Variants in TPRG1 observed in about 807,000 individuals in gnomAD.
TPRG1 encodes tumor protein p63 regulated 1.
Under a neutral mutation model 29.3 loss-of-function variants are expected in TPRG1, and 29 were observed. The observed-to-expected ratio is 0.99, with a 90% confidence interval of 0.74 to 1.35. The LOEUF is 1.35. Ranked by LOEUF, TPRG1 falls within the 40% of genes most tolerant of loss-of-function variation. The probability of loss-of-function intolerance (pLI) is 0.00; values close to 1 mark genes in which losing one functional copy is unlikely to be tolerated. For missense variants in TPRG1, 327 were observed against 335.0 expected, an observed-to-expected ratio of 0.98 and a Z score of 0.19; for synonymous variants, 130 against 116.8, an observed-to-expected ratio of 1.11 and a Z score of -0.73.
intron 4 of TPRG1, among the ~76,000 whole-genome samples, chr3:189,264,652 G>C (rs778214713): frequency 6.6e-6 from 1 of 152,084 alleles, no homozygotes; most frequent in South Asian, 2.1e-4. Flanking sequence ...TTCCAATGAA[G>C]TGTTCATTTC....
At chr3:189,126,226 A>C (rs1038447620) in intron 1 of TPRG1, among the ~76,000 whole-genome samples, 5 of 152,150 alleles carry the variant, frequency 3.3e-5, no homozygotes, top group African/African-American at 1.2e-4. Flanking sequence ...AAATAAGTCA[A>C]TTTGACTCAG....
At chr3:189,067,032 C>G (rs1422778767) in intron 4 of TPRG1, among the ~76,000 whole-genome samples, 1 of 151,814 alleles carries the variant, frequency 6.6e-6, no homozygotes, top group Non-Finnish European at 1.5e-5. Context: ...CAAGAGTGAG[C>G]AATCTGAAAA....
intron 3 of TPRG1, among the ~76,000 whole-genome samples, chr3:189,135,013 A>G (rs1454449695): frequency 6.6e-6 from 1 of 152,198 alleles, no homozygotes; most frequent in African/African-American, 2.4e-5. Flanking sequence ...GAAAAGTTTT[A>G]CTGGTTAAAT....
At chr3:189,053,245 T>G (rs1223037691) in intron 4 of TPRG1, among the ~76,000 whole-genome samples, 1 of 152,166 alleles carries the variant, frequency 6.6e-6, no homozygotes, top group Non-Finnish European at 1.5e-5. Flanking sequence ...TATACTAGCT[T>G]CCAACTTTTC....
chr3:189,097,837 G>A (rs1718785193), upstream of TPRG1, among the ~76,000 whole-genome samples: 1 of 152,246 alleles, frequency 6.6e-6, no homozygotes, highest in South Asian at 2.1e-4. Flanking sequence ...TTCTCTGAAA[G>A]GATCTCAGAA....
chr3:189,227,156 A>C (rs1049004420), intron 3 of TPRG1, among the ~76,000 whole-genome samples: 6 of 151,942 alleles, frequency 3.9e-5, no homozygotes, highest in Non-Finnish European at 8.8e-5. Context: ...TCACAAAAAA[A>C]AAAGAAAAAA....
At chr3:189,277,427 G>GA (rs1238191653) in intron 4 of TPRG1, among the ~76,000 whole-genome samples, 2 of 152,126 alleles carry the variant, frequency 1.3e-5, no homozygotes, top group Non-Finnish European at 2.9e-5. Context: ...TAGTTTGGTG[G>GA]AAAAAATGCA....
chr3:189,261,975 A>AT (rs1667089333), intron 4 of TPRG1, among the ~76,000 whole-genome samples: 1 of 152,144 alleles, frequency 6.6e-6, no homozygotes, highest in African/African-American at 2.4e-5. Context: ...TTTCAGTCAT[A>AT]TTAGGATATG....
At chr3:189,185,737 A>T (rs769155541) in intron 1 of TPRG1, among the ~76,000 whole-genome samples, 2 of 152,188 alleles carry the variant, frequency 1.3e-5, no homozygotes, top group Non-Finnish European at 2.9e-5. Flanking sequence ...GAATTATTCT[A>T]CATCTTTTAA....
At chr3:189,185,822 G>A (rs1046579488) in intron 1 of TPRG1, among the ~76,000 whole-genome samples, 1 of 151,740 alleles carries the variant, frequency 6.6e-6, no homozygotes, top group African/African-American at 2.4e-5. Flanking sequence ...TTGCTTATTT[G>A]TATATTTTTC....
At chr3:189,170,488 C>T (rs933435651), upstream of TPRG1, among the ~76,000 whole-genome samples, 4 of 152,234 alleles carry the variant, frequency 2.6e-5, no homozygotes, top group African/African-American at 9.6e-5. Context: ...GCTCCCTCCT[C>T]TGGATTACCA....
At chr3:189,121,211 G>A (rs912753470) in intron 1 of TPRG1, 6 of 152,150 alleles carry the variant, frequency 3.9e-5, no homozygotes, top group African/African-American at 1.4e-4. Context: ...TTTAGGTAGA[G>A]TAAATAATCT....
intron 4 of TPRG1, among the ~76,000 whole-genome samples, chr3:189,250,996 G>T (rs1454167700): frequency 6.6e-6 from 1 of 152,044 alleles, no homozygotes; most frequent in East Asian, 1.9e-4. Flanking sequence ...TCTCTGTCCA[G>T]TGTTTTTTTC....
chr3:189,244,793 T>A (rs972777986), intron 4 of TPRG1, among the ~76,000 whole-genome samples: 5 of 152,080 alleles, frequency 3.3e-5, no homozygotes, highest in African/African-American at 1.2e-4. Context: ...GTGATCTGTG[T>A]CTTCCCTCTT....
rs535829273 is a variant in TPRG1 at position 189,184,591 on chromosome 3, T to C, written c.-10+12460T>C. On this transcript the variant is annotated intron_variant, in intron 1 of 5. Coordinates refer to ENST00000345063, the MANE Select transcript of TPRG1 (RefSeq NM_198485.4). ...CTACAACATAATAAGAAAAATTAAA[T>C]GAGGCCAAATAATTATTAAGATCAA... is the stretch of plus-strand genomic sequence containing the variant. Among the ~76,000 whole-genome samples the C allele has an allele frequency of 1.1e-3, 168 of 152,328 alleles. 1 individual carries two copies. Among genetic ancestry groups the C allele is most frequent in the African/African-American group, 3.4e-3 (143 of 41,574 alleles).
intron 1 of TPRG1, among the ~76,000 whole-genome samples, chr3:189,205,091 A>G (rs16864086): frequency 0.19 from 29,021 of 152,108 alleles, 2,823 homozygotes; most frequent in Middle Eastern, 0.26. Context: ...TTTCTGTCAT[A>G]AGGCAGATGT....
intron 1 of TPRG1, among the ~76,000 whole-genome samples, chr3:188,997,542 C>T (rs149996825): frequency 1.3e-5 from 2 of 152,258 alleles, no homozygotes; most frequent in East Asian, 3.9e-4. Context: ...TTGCCAGAGG[C>T]TGAGAGGGTT....
At chr3:189,293,860 G>T (rs540233204) in intron 4 of TPRG1, among the ~76,000 whole-genome samples, 1 of 151,954 alleles carries the variant, frequency 6.6e-6, no homozygotes, top group East Asian at 1.9e-4. Context: ...CCATTTAATC[G>T]TCACAAGTCA....
intron 4 of TPRG1, among the ~76,000 whole-genome samples, chr3:189,027,942 TC>T (rs1464218911): frequency 4.6e-5 from 7 of 152,144 alleles, no homozygotes; most frequent in Non-Finnish European, 1.5e-5. Flanking sequence ...TTTTTTTCGT[TC>T]CCTCATTATT....
Sources: gnomAD v4.1 joint callset for allele counts (sites outside exome capture counted in the v4.1 genomes callset) on GRCh38, gnomAD v4.1.1 for gene constraint, MANE v1.5 for transcripts, NCBI Gene and HGNC (gene_info 2026-07-23, HGNC 2026-07-21) for gene names.